GABRG3: variants seen among roughly 807,000 people sequenced by gnomAD.
GABRG3 encodes the protein gamma-aminobutyric acid type A receptor subunit gamma3, also known as gamma-aminobutyric acid receptor subunit gamma-3.
In GABRG3, 25 loss-of-function variants were observed where a neutral mutation model predicts 48.8. That is an observed-to-expected ratio of 0.51 (90% CI 0.37 to 0.72). The LOEUF is 0.72. Among genes scored for constraint, GABRG3 ranks in the 30% least tolerant of loss-of-function variants. GABRG3 has a pLI of 0.00. For missense variants in GABRG3, 394 were observed against 577.9 expected (o/e 0.68, Z 3.26); for synonymous variants, 227 against 217.6 (o/e 1.04, Z -0.38).
At chr15:27,081,783 C>A (rs1198715963) in intron 3 of GABRG3, among the ~76,000 whole-genome samples, 1 of 152,128 alleles carries the variant, frequency 6.6e-6, no homozygotes, top group Non-Finnish European at 1.5e-5. Flanking sequence ...TGGTCGACCC[C>A]GCTCCCCAGG....
At chr15:27,276,779 T>C (rs1208291130) in intron 3 of GABRG3, among the ~76,000 whole-genome samples, 1 of 152,106 alleles carries the variant, frequency 6.6e-6, no homozygotes, top group Non-Finnish European at 1.5e-5. Flanking sequence ...AAGGAAAACA[T>C]TTGGACAAAG....
At chr15:27,428,095 C>G (rs1207288470) in intron 5 of GABRG3, 1 of 152,966 alleles carries the variant, frequency 6.5e-6, no homozygotes, top group Non-Finnish European at 1.5e-5. Context: ...TGCTATGTTG[C>G]CCAGGCTGGT....
chr15:26,976,919 T>C lies in GABRG3; in HGVS notation c.54-83T>C. 9.8e-6 allele frequency: 14 copies of C among 1,430,152 alleles called. No homozygotes were observed. The highest frequency in any genetic ancestry group is 1.4e-5 in the Non-Finnish European group (14 of 1,031,416). 88.6% of individuals were successfully genotyped at this position (1,430,152 alleles called of 1,614,324 possible). A position where few individuals can be genotyped will look rare whatever the true frequency, so the allele number is the denominator to read the frequency against. ...TACTGGGGACTTTCTACCCATTTCATGGTACTTGGATAGGACAAACTTAGG... is the reference window on the plus strand; with the variant it reads ...TACTGGGGACTTTCTACCCATTTCACGGTACTTGGATAGGACAAACTTAGG... On this transcript the variant is annotated intron_variant, in intron 1 of 9. Transcript: ENST00000615808. This position sits in a 1 kb window ranked among gnomAD's most constrained non-coding sequence, Gnocchi z 7.8.
intron 2 of GABRG3, among the ~76,000 whole-genome samples, chr15:26,999,721 G>A (rs1003603446): frequency 2.6e-5 from 4 of 151,976 alleles, no homozygotes; most frequent in Admixed American, 1.3e-4. Context: ...TCTTCCATCT[G>A]TTTCCTCTTT....
intron 2 of GABRG3, among the ~76,000 whole-genome samples, chr15:26,981,352 A>G (rs1297722537): frequency 6.6e-6 from 1 of 152,194 alleles, no homozygotes; most frequent in Non-Finnish European, 1.5e-5. Flanking sequence ...TGATTCCACT[A>G]TGATCAGAGA....
chr15:27,149,946 A>T (rs766040433), intron 3 of GABRG3, among the ~76,000 whole-genome samples: 2 of 152,200 alleles, frequency 1.3e-5, no homozygotes, highest in Admixed American at 1.3e-4. Context: ...CTAAGCAGAC[A>T]TTTATTACTA....
intron 3 of GABRG3, among the ~76,000 whole-genome samples, chr15:27,146,542 A>G (rs1319685434): frequency 6.6e-6 from 1 of 152,124 alleles, no homozygotes; most frequent in Non-Finnish European, 1.5e-5. Context: ...TATTTGTTTT[A>G]TTTTTTCTCC....
chr15:27,143,555 AC>A (rs1344434359), intron 3 of GABRG3, among the ~76,000 whole-genome samples: 2 of 152,228 alleles, frequency 1.3e-5, no homozygotes, highest in African/African-American at 4.8e-5. Context: ...ATCAAGTCAT[AC>A]ATTCTCAATA....
At chr15:27,422,768 G>A (rs573872059) in intron 5 of GABRG3, among the ~76,000 whole-genome samples, 19 of 152,144 alleles carry the variant, frequency 1.2e-4, no homozygotes, top group Non-Finnish European at 2.1e-4. Context: ...AAGACTGCAG[G>A]GGTTTAATCT....
intron 7 of GABRG3, among the ~76,000 whole-genome samples, chr15:27,520,696 A>G (rs1172775087): frequency 7.8e-6 from 1 of 128,712 alleles, no homozygotes; most frequent in Non-Finnish European, 1.6e-5. Context: ...AACGTGTATT[A>G]TGTCAGGTTT....
intron 3 of GABRG3, among the ~76,000 whole-genome samples, chr15:27,292,688 A>G (rs1891835799): frequency 6.6e-6 from 1 of 152,176 alleles, no homozygotes; most frequent in African/African-American, 2.4e-5. Context: ...AATAATAATA[A>G]TTCACTTGAG....
At chr15:27,394,181 G>T (rs1258068683) in intron 5 of GABRG3, among the ~76,000 whole-genome samples, 3 of 152,046 alleles carry the variant, frequency 2.0e-5, no homozygotes, top group African/African-American at 7.2e-5. Context: ...CTGCCTTCTT[G>T]TGTATTAAAT....
chr15:27,308,545 A>G (rs1332275874), intron 3 of GABRG3, among the ~76,000 whole-genome samples: 2 of 148,618 alleles, frequency 1.3e-5, no homozygotes, highest in Admixed American at 6.8e-5. Context: ...AACATATATA[A>G]TGTAAACATA....
At position 26,976,684 on chromosome 15, in the gene GABRG3, G is replaced by A. The variant is rs1262874950; in HGVS notation, c.54-318G>A. Among the ~76,000 whole-genome samples, 1 of 152,204 alleles carries A rather than the reference G, an allele frequency of 6.6e-6. No homozygotes were observed. Among genetic ancestry groups the A allele is most frequent in the Non-Finnish European group, 1.5e-5 (1 of 68,042 alleles). On this transcript the variant is annotated intron_variant, in intron 1 of 9. Transcript: ENST00000615808. This position sits in a 1 kb window ranked among gnomAD's most constrained non-coding sequence, Gnocchi z 7.8. ...TCACAGGCTATCGGGGTGGATCCAA[G>A]GGTGTGTTGCCTGCTGGTTGGCCCT...
intron 5 of GABRG3, among the ~76,000 whole-genome samples, chr15:27,349,480 A>T (rs1894484775): frequency 6.6e-6 from 1 of 152,062 alleles, no homozygotes; most frequent in Admixed American, 6.5e-5. Flanking sequence ...TAAAATCTAG[A>T]GGGAATTTAT....
At chr15:27,246,873 A>G (rs1168174083) in intron 3 of GABRG3, among the ~76,000 whole-genome samples, 1 of 152,214 alleles carries the variant, frequency 6.6e-6, no homozygotes, top group Non-Finnish European at 1.5e-5. Context: ...CACGTTAAGT[A>G]GCGTTGTGAT....
At chr15:27,008,754 G>A (rs1244791147) in intron 2 of GABRG3, among the ~76,000 whole-genome samples, 1 of 151,920 alleles carries the variant, frequency 6.6e-6, no homozygotes, top group Non-Finnish European at 1.5e-5. Context: ...CCGGTAAATG[G>A]CACCCGCAGA....
intron 2 of GABRG3, among the ~76,000 whole-genome samples, chr15:26,990,035 C>G (rs1340279455): frequency 6.6e-6 from 1 of 152,158 alleles, no homozygotes; most frequent in African/African-American, 2.4e-5. Flanking sequence ...TTCATGGACA[C>G]TTAGGTTGCT....
At chr15:27,088,856 A>T (rs566361665) in intron 3 of GABRG3, among the ~76,000 whole-genome samples, 3 of 152,092 alleles carry the variant, frequency 2.0e-5, no homozygotes, top group Admixed American at 2.0e-4. Context: ...TGCACTTTGC[A>T]GTAGAGGACT....
Sources: gnomAD v4.1 joint callset for allele counts (sites outside exome capture counted in the v4.1 genomes callset) on GRCh38, gnomAD v4.1.1 for gene constraint, Gnocchi (gnomAD v3.1) non-coding constraint, MANE v1.5 for transcripts, NCBI Gene and HGNC (gene_info 2026-07-23, HGNC 2026-07-21) for gene names.